SOX6: variants seen among roughly 807,000 people sequenced by gnomAD.
SOX6 encodes SRY-box transcription factor 6, also known as transcription factor SOX-6.
A neutral mutation model predicts 97.8 loss-of-function variants in SOX6; 11 were observed. That is an observed-to-expected ratio of 0.11 (90% CI 0.07 to 0.19). SOX6 has a LOEUF of 0.19. Ranked by LOEUF, SOX6 falls within the 10% of genes least tolerant of loss-of-function variation. The pLI, the probability that SOX6 is intolerant of heterozygous loss-of-function variation, is 1.00. For missense variants in SOX6, 810 were observed against 1,039.5 expected (o/e 0.78, Z 3.04); for synonymous variants, 360 against 371.4 (o/e 0.97, Z 0.35).
intron 3 of SOX6, among the ~76,000 whole-genome samples, chr11:16,612,516 T>G (rs551783638): frequency 7.2e-6 from 1 of 139,734 alleles, no homozygotes; most frequent in Admixed American, 7.6e-5. Flanking sequence ...AAATGGAAAG[T>G]CAGAGAAAGA....
At chr11:16,173,968 C>T (rs573923880) in intron 6 of SOX6, among the ~76,000 whole-genome samples, 5 of 151,532 alleles carry the variant, frequency 3.3e-5, no homozygotes, top group African/African-American at 1.2e-4. Flanking sequence ...ACCTCAGCCT[C>T]CCAAGTAGCT....
At chr11:16,518,657 A>G in intron 4 of SOX6, among the ~76,000 whole-genome samples, 1 of 152,200 alleles carries the variant, frequency 6.6e-6, no homozygotes, top group Non-Finnish European at 1.5e-5. Context: ...GAAAAATCAT[A>G]GCTAAGAAAT....
At chr11:16,042,375 C>T (rs1197025110) in intron 12 of SOX6, among the ~76,000 whole-genome samples, 2 of 152,142 alleles carry the variant, frequency 1.3e-5, no homozygotes, top group East Asian at 1.9e-4. Flanking sequence ...GGAAAGAATA[C>T]CCTACCCAGG....
intron 6 of SOX6, among the ~76,000 whole-genome samples, chr11:16,148,689 C>T (rs1321420702): frequency 6.6e-6 from 1 of 152,058 alleles, no homozygotes; most frequent in African/African-American, 2.4e-5. Flanking sequence ...CACCCACGCA[C>T]ACTAAAAAAT....
chr11:16,119,540 A>G (rs918517481), intron 6 of SOX6, among the ~76,000 whole-genome samples: 9 of 152,198 alleles, frequency 5.9e-5, no homozygotes, highest in Non-Finnish European at 1.2e-4. Flanking sequence ...TCAGCAAGTA[A>G]GTTGACTGTC....
At chr11:16,123,259 T>C (rs1404328468) in intron 6 of SOX6, among the ~76,000 whole-genome samples, 1 of 152,070 alleles carries the variant, frequency 6.6e-6, no homozygotes, top group Non-Finnish European at 1.5e-5. Flanking sequence ...CAATAATGAA[T>C]GAATGTCAGA....
chr11:16,007,272 C>A (rs1030457869), intron 13 of SOX6, among the ~76,000 whole-genome samples: 2 of 152,050 alleles, frequency 1.3e-5, no homozygotes, highest in Non-Finnish European at 2.9e-5. Flanking sequence ...GTACTGAATA[C>A]TGTAGGCAAT....
intron 2 of SOX6, among the ~76,000 whole-genome samples, chr11:16,731,446 C>T (rs1174100810): frequency 2.0e-5 from 3 of 152,316 alleles, no homozygotes; most frequent in African/African-American, 7.2e-5. Flanking sequence ...TCAACATACG[C>T]AAATCAATAA....
intron 4 of SOX6, among the ~76,000 whole-genome samples, chr11:16,217,459 A>G (rs1318875506): frequency 6.6e-6 from 1 of 152,198 alleles, no homozygotes; most frequent in East Asian, 1.9e-4. Context: ...GGTCAGAGGT[A>G]TATCTCAATG....
intron 1 of SOX6, among the ~76,000 whole-genome samples, chr11:16,368,283 A>G (rs1170247599): frequency 1.3e-5 from 2 of 152,182 alleles, no homozygotes; most frequent in African/African-American, 4.8e-5. Flanking sequence ...GAGGGAAAAG[A>G]TCAGCCTAGC....
chr11:16,718,978 TAAA>T (rs558276025), intron 2 of SOX6, among the ~76,000 whole-genome samples: 4 of 86,826 alleles, frequency 4.6e-5, no homozygotes, highest in Non-Finnish European at 1.1e-4. Flanking sequence ...TTTTTAAAAT[TAAA>T]AAAAAAAAAA....
At chr11:16,000,342 G>T (rs755019702) in intron 13 of SOX6, among the ~76,000 whole-genome samples, 4 of 152,192 alleles carry the variant, frequency 2.6e-5, no homozygotes, top group Non-Finnish European at 5.9e-5. Flanking sequence ...GAGATGTAGA[G>T]TATGCTTTGT....
At chr11:16,574,884 A>G (rs1847968410) in intron 4 of SOX6, among the ~76,000 whole-genome samples, 1 of 152,036 alleles carries the variant, frequency 6.6e-6, no homozygotes, top group East Asian at 1.9e-4. Flanking sequence ...TACTAAAAAT[A>G]CAAAAATTAG....
intron 1 of SOX6, among the ~76,000 whole-genome samples, chr11:16,736,667 A>G (rs185428656): frequency 6.6e-5 from 10 of 152,322 alleles, no homozygotes; most frequent in Non-Finnish European, 2.9e-5. Context: ...GTTCTAAATC[A>G]CCATTTGTCA....
At chr11:15,977,528 GC>G (rs1431099106) in intron 15 of SOX6, among the ~76,000 whole-genome samples, 2 of 151,526 alleles carry the variant, frequency 1.3e-5, no homozygotes, top group African/African-American at 2.4e-5. Context: ...CCCTGCTTGT[GC>G]CCCCACTTAC....
chr11:16,424,439 G>A (rs1209916472), intron 1 of SOX6, among the ~76,000 whole-genome samples: 4 of 151,920 alleles, frequency 2.6e-5, no homozygotes, highest in Non-Finnish European at 5.9e-5. Flanking sequence ...CAAGTAACTC[G>A]TTCTACTTCC....
chr11:16,475,296 C>T (rs958492272), intron 1 of SOX6, among the ~76,000 whole-genome samples: 3 of 152,300 alleles, frequency 2.0e-5, no homozygotes, highest in African/African-American at 7.2e-5. Flanking sequence ...CACAACTTGG[C>T]TAACTGGTAC....
chr11:16,021,071 T>G (rs1352200651), intron 12 of SOX6, among the ~76,000 whole-genome samples: 1 of 152,134 alleles, frequency 6.6e-6, no homozygotes, highest in Non-Finnish European at 1.5e-5. Context: ...AAATGCAATT[T>G]GATTATATAA....
intron 1 of SOX6, among the ~76,000 whole-genome samples, chr11:16,349,731 G>GGAAGGAA (rs1856881380): frequency 7.9e-6 from 1 of 127,034 alleles, no homozygotes; most frequent in African/African-American, 2.9e-5. Flanking sequence ...AAGGAAGGAA[G>GGAAGGAA]GAAGGAAGGA....
Sources: allele counts gnomAD v4.1 joint callset (sites outside exome capture counted in the v4.1 genomes callset), GRCh38; gene constraint gnomAD v4.1.1; transcripts MANE v1.5; gene names NCBI Gene and HGNC (gene_info 2026-07-23, HGNC 2026-07-21).